Variants in EXOSC7 observed in about 807,000 individuals in gnomAD.
EXOSC7 encodes the protein exosome complex component RRP42.
EXOSC7 carries 25 observed loss-of-function variants against 34.3 expected under a neutral mutation model. That is an observed-to-expected ratio of 0.73 (90% CI 0.53 to 1.02). EXOSC7 has a LOEUF of 1.02. Ranked by LOEUF, EXOSC7 falls within the 50% of genes least tolerant of loss-of-function variation. The pLI, the probability that EXOSC7 is intolerant of heterozygous loss-of-function variation, is 0.00. For missense variants in EXOSC7, 370 were observed against 368.5 expected (o/e 1.00, Z -0.03); for synonymous variants, 130 against 143.0 (o/e 0.91, Z 0.65).
chr3:45,000,210 C>G (rs1706836440), intron 4 of EXOSC7, among the ~76,000 whole-genome samples: 1 of 152,192 alleles, frequency 6.6e-6, no homozygotes, highest in African/African-American at 2.4e-5. Flanking sequence ...CACAGCTGAC[C>G]TTTGGTGGGG....
intron 1 of EXOSC7, among the ~76,000 whole-genome samples, chr3:44,987,873 G>A (rs1706465553): frequency 6.6e-6 from 1 of 152,190 alleles, no homozygotes; most frequent in Non-Finnish European, 1.5e-5. Context: ...ACAGAGGAAG[G>A]TTAGAATGAA....
chr3:44,980,981 G>A (rs1449083816), intron 1 of EXOSC7, among the ~76,000 whole-genome samples: 4 of 152,186 alleles, frequency 2.6e-5, no homozygotes, highest in African/African-American at 2.4e-5. Context: ...TGGGCTAGAT[G>A]TGTGTTTTCC....
intron 3 of EXOSC7, among the ~76,000 whole-genome samples, chr3:44,995,354 C>G (rs1307659795): frequency 1.3e-5 from 2 of 152,162 alleles, no homozygotes; most frequent in Admixed American, 1.3e-4. Flanking sequence ...AATCATCTCC[C>G]AAGGCTGTAG....
Position 45,005,278 on chromosome 3 carries a change from C to A in EXOSC7, c.492-13C>A, listed in dbSNP as rs1210834652. On this transcript the variant is annotated splice_polypyrimidine_tract_variant and intron_variant, in intron 5 of 7. Coordinates refer to ENST00000265564, the MANE Select transcript of EXOSC7 (RefSeq NM_015004.4). ...CCTCCAAGTGGGAATTTTACTAGTGCTTCTGCTTCCAGGATACCAAGGGTT... is the reference window on the plus strand; with the variant it reads ...CCTCCAAGTGGGAATTTTACTAGTGATTCTGCTTCCAGGATACCAAGGGTT... 18 of 1,613,562 alleles carry A rather than the reference C, an allele frequency of 1.1e-5. No homozygotes were observed. The highest frequency in any genetic ancestry group is 1.4e-5 in the Non-Finnish European group (16 of 1,179,720).
At chr3:44,987,576 C>G (rs1238307766) in intron 1 of EXOSC7, among the ~76,000 whole-genome samples, 1 of 152,170 alleles carries the variant, frequency 6.6e-6, no homozygotes, top group Non-Finnish European at 1.5e-5. Context: ...AAAAAAGTTA[C>G]AAGTTACAAA....
intron 6 of EXOSC7, among the ~76,000 whole-genome samples, chr3:45,006,145 T>TC (rs1201082616): frequency 7.5e-6 from 1 of 133,250 alleles, no homozygotes; most frequent in African/African-American, 2.8e-5. Flanking sequence ...TGGCGCGATC[T>TC]CAGCTCACTG....
chr3:44,994,336 A>G lies in EXOSC7; in HGVS notation c.255-2751A>G, dbSNP rs1382317472. ...TTCACAGTGTCATCCCACAGGTCAG[A>G]TCCCACCTGGGAGATTTTTGTTTCA... On this transcript the variant is annotated intron_variant, in intron 3 of 7. Coordinates refer to ENST00000265564, the MANE Select transcript of EXOSC7 (RefSeq NM_015004.4). Among the ~76,000 whole-genome samples the G allele has an allele frequency of 8.0e-5, 12 of 150,416 alleles. No homozygotes were observed. In the East Asian group the frequency reaches 1.9e-3, roughly 24 times the overall value.
chr3:44,997,450 A>G (rs1340743521), intron 4 of EXOSC7, among the ~76,000 whole-genome samples, 198 bp downstream of exon 4: 1 of 152,174 alleles, frequency 6.6e-6, no homozygotes, highest in African/African-American at 2.4e-5. Context: ...CATATATATA[A>G]TGCCATTCTA....
In EXOSC7 at chr3:45,001,479, AC is replaced by A. The variant is rs994520510; in HGVS notation, c.421-57del. The A allele has an allele frequency of 5.4e-6, 7 of 1,289,102 alleles. No homozygotes were observed. The African/African-American group carries it at 7.3e-5, about 13-fold the overall frequency. The allele number at this position is 1,289,102 out of a possible 1,614,324, so 79.9% of individuals were successfully genotyped here. A position where few individuals can be genotyped will look rare whatever the true frequency, so the allele number is the denominator to read the frequency against. On this transcript the variant is annotated intron_variant, in intron 4 of 7. Transcript: ENST00000265564. ...AGCAGTGTCCTTTAACTGGGGTAAT[AC>A]CTAAAGTAATAAGTGATGCTTGGTT...
intron 4 of EXOSC7, among the ~76,000 whole-genome samples, chr3:44,998,856 G>A (rs910415384): frequency 6.6e-6 from 1 of 152,192 alleles, no homozygotes; most frequent in Non-Finnish European, 1.5e-5. Flanking sequence ...GGTGGGACCT[G>A]GCAGCCTGTA....
At position 45,003,755 on chromosome 3, in the gene EXOSC7, C is replaced by G. The variant is rs573217425; in HGVS notation, c.492-1536C>G. Among the ~76,000 whole-genome samples the G allele has an allele frequency of 2.0e-4, 31 of 152,262 alleles. 1 individual carries two copies. In the South Asian group the frequency reaches 6.4e-3, roughly 32 times the overall value. On this transcript the variant is annotated intron_variant, in intron 5 of 7. Coordinates refer to ENST00000265564, the MANE Select transcript of EXOSC7 (RefSeq NM_015004.4). ...AGAAGCATCCCACACCTTCTGTACC[C>G]CCATGCAATTACACTCACTGATGAT... is the stretch of plus-strand genomic sequence containing the variant.
At position 44,982,307 on chromosome 3, in the gene EXOSC7, C is replaced by G. The variant is rs546845416; in HGVS notation, c.57+5973C>G. 2.0e-5 allele frequency among the ~76,000 whole-genome samples: 3 copies of G among 152,310 alleles called. No individual in the cohort carries two copies. In the East Asian group the frequency reaches 5.8e-4, roughly 29 times the overall value. Reference sequence around the variant, plus strand: ...TTGGATTATATGCCTTTGGTTCAGGCACCTACCCCTGGTCCTGGCTGTTGG... The same window carrying G: ...TTGGATTATATGCCTTTGGTTCAGGGACCTACCCCTGGTCCTGGCTGTTGG... On this transcript the variant is annotated intron_variant, in intron 1 of 7. Coordinates refer to ENST00000265564, the MANE Select transcript of EXOSC7 (RefSeq NM_015004.4).
In EXOSC7 at chr3:44,989,136, C is replaced by T. The variant is rs1402964016; in HGVS notation, c.58-4C>T. On this transcript the variant is annotated splice_region_variant and splice_polypyrimidine_tract_variant and intron_variant, in intron 1 of 7. Transcript: ENST00000265564. ...ACTATAGGACTGTGGTTGTTAACAC[C>T]TAGGAAGACCTCCGTGTGGATGGCC... 1 of 1,609,214 alleles carries T rather than the reference C, an allele frequency of 6.2e-7. No individual in the cohort carries two copies. Among genetic ancestry groups the T allele is most frequent in the African/African-American group, 1.3e-5 (1 of 74,796 alleles).
At position 44,998,060 on chromosome 3, in the gene EXOSC7, G is replaced by A. The variant is rs376320988; in HGVS notation, c.420+808G>A. On this transcript the variant is annotated intron_variant, in intron 4 of 7. Coordinates refer to ENST00000265564, the MANE Select transcript of EXOSC7 (RefSeq NM_015004.4). ...TTTTGTTTTTTTTTTTTTTGAGATGGAGTCTTGCTCTGTCACCCAGGCTGG... is the reference window on the plus strand; with the variant it reads ...TTTTGTTTTTTTTTTTTTTGAGATGAAGTCTTGCTCTGTCACCCAGGCTGG... Among the ~76,000 whole-genome samples, 51 of 146,026 alleles carry A rather than the reference G, an allele frequency of 3.5e-4. No individual in the cohort carries two copies. The East Asian group carries it at 7.1e-3, about 20-fold the overall frequency.
At chr3:44,995,287 G>A (rs1015201216) in intron 3 of EXOSC7, among the ~76,000 whole-genome samples, 1 of 152,256 alleles carries the variant, frequency 6.6e-6, no homozygotes, top group South Asian at 2.1e-4. Flanking sequence ...CTGGCCAGGG[G>A]CATGCATGGT....
intron 4 of EXOSC7, among the ~76,000 whole-genome samples, chr3:44,999,277 T>C (rs552077420): frequency 3.5e-4 from 54 of 152,330 alleles, no homozygotes; most frequent in Middle Eastern, 3.4e-3. Flanking sequence ...GGAATGTGTA[T>C]TGTGTCCCTG....
chr3:44,990,316 C>T (rs1706534723), intron 3 of EXOSC7, among the ~76,000 whole-genome samples: 2 of 152,242 alleles, frequency 1.3e-5, no homozygotes, highest in Non-Finnish European at 2.9e-5. Flanking sequence ...AGCACAGTGA[C>T]TGACTTCCAG....
At chr3:44,982,112 C>CCAAT (rs1038486220) in intron 1 of EXOSC7, among the ~76,000 whole-genome samples, 2 of 152,144 alleles carry the variant, frequency 1.3e-5, no homozygotes, top group African/African-American at 4.8e-5. Flanking sequence ...CTGCCTCTGC[C>CCAAT]CAATACCTTT....
At chr3:45,005,550 A>G in intron 6 of EXOSC7, 136 bp downstream of exon 6, 3 of 789,644 alleles carry the variant, frequency 3.8e-6, no homozygotes, top group Non-Finnish European at 5.7e-6. Flanking sequence ...ACCCAAATCC[A>G]ATAATTTGGT....
Sources: allele counts gnomAD v4.1 joint callset (sites outside exome capture counted in the v4.1 genomes callset), GRCh38; gene constraint gnomAD v4.1.1; transcripts MANE v1.5; gene names NCBI Gene and HGNC (gene_info 2026-07-23, HGNC 2026-07-21).